Variants in TCF12 observed in about 807,000 individuals in gnomAD.
TCF12 encodes the protein DNA-binding protein HTF4.
Under a neutral mutation model 86.0 loss-of-function variants are expected in TCF12, and 45 were observed. The observed-to-expected ratio is 0.52, with a 90% CI of 0.41 to 0.67. The LOEUF is 0.67. Ranked by LOEUF, TCF12 falls within the 30% of genes least tolerant of loss-of-function variation. The pLI is 0.00. For missense variants in TCF12, 881 were observed against 859.9 expected, an observed-to-expected ratio of 1.02 and a Z score of -0.31; for synonymous variants, 330 against 299.6, an observed-to-expected ratio of 1.10 and a Z score of -1.05.
chr15:56,998,301 AC>A (rs1269618875), intron 3 of TCF12, among the ~76,000 whole-genome samples: 1 of 152,068 alleles, frequency 6.6e-6, no homozygotes, highest in African/African-American at 2.4e-5. Flanking sequence ...TACTAAAAAT[AC>A]AAAAATTAGT....
At chr15:57,083,249 CTT>C in intron 4 of TCF12, among the ~76,000 whole-genome samples, 1 of 152,132 alleles carries the variant, frequency 6.6e-6, no homozygotes, top group South Asian at 2.1e-4. Flanking sequence ...GGGCACATGA[CTT>C]TTTATTATGT....
chr15:57,251,060 A>T, intron 13 of TCF12: 1 of 270,790 alleles, frequency 3.7e-6, no homozygotes, highest in Non-Finnish European at 7.0e-6. Flanking sequence ...GCATTTTCTC[A>T]AGATACATAG....
At chr15:57,160,736 A>G (rs1328550156) in intron 5 of TCF12, among the ~76,000 whole-genome samples, 2 of 152,052 alleles carry the variant, frequency 1.3e-5, no homozygotes, top group Non-Finnish European at 2.9e-5. Context: ...TCTGTCTCCT[A>G]GGCTGAAATG....
At position 57,027,128 on chromosome 15, in the gene TCF12, T is replaced by C. The variant is rs2065870223; in HGVS notation, c.149-36622T>C. On this transcript the variant is annotated intron_variant, in intron 3 of 20. Coordinates refer to ENST00000333725, the MANE Select transcript of TCF12 (RefSeq NM_207037.2). ...AAAACATACACATTTTAATGTATGA[T>C]AAGATTAGTTTTGAGATCTGTTTTG... Among the ~76,000 whole-genome samples the C allele has an allele frequency of 2.0e-5, 3 of 152,302 alleles. No homozygotes were observed. In the South Asian group the frequency reaches 6.2e-4, roughly 32 times the overall value.
chr15:57,048,876 T>C (rs2067417776), intron 3 of TCF12, among the ~76,000 whole-genome samples: 1 of 152,212 alleles, frequency 6.6e-6, no homozygotes, highest in African/African-American at 2.4e-5. Context: ...AATATCAAGA[T>C]GTTTATATCA....
At chr15:57,076,247 C>T (rs2070025649) in intron 4 of TCF12, among the ~76,000 whole-genome samples, 1 of 151,916 alleles carries the variant, frequency 6.6e-6, no homozygotes, top group South Asian at 2.1e-4. Flanking sequence ...AAGCAGTGTA[C>T]GAATACAGAG....
At chr15:57,250,600 G>A (rs1309264088) in intron 13 of TCF12, among the ~76,000 whole-genome samples, 1 of 152,068 alleles carries the variant, frequency 6.6e-6, no homozygotes, top group Non-Finnish European at 1.5e-5. Flanking sequence ...GTGGTGGTGT[G>A]TGCCTGTAAT....
At chr15:57,241,052 T>C (rs1380823264) in intron 12 of TCF12, among the ~76,000 whole-genome samples, 1 of 151,880 alleles carries the variant, frequency 6.6e-6, no homozygotes, top group Admixed American at 6.6e-5. Flanking sequence ...TTCCCATGTG[T>C]CCAATGAATG....
chr15:57,126,692 T>G (rs2051677703), intron 5 of TCF12, among the ~76,000 whole-genome samples: 1 of 152,218 alleles, frequency 6.6e-6, no homozygotes, highest in African/African-American at 2.4e-5. Flanking sequence ...ACTACCAATC[T>G]TGCTTTATTA....
chr15:57,172,964 C>G (rs1180096938), intron 6 of TCF12, among the ~76,000 whole-genome samples: 1 of 150,276 alleles, frequency 6.7e-6, no homozygotes, highest in East Asian at 1.9e-4. Flanking sequence ...AAAAAGAAAA[C>G]TAGTCAGGTG....
intron 3 of TCF12, among the ~76,000 whole-genome samples, chr15:56,958,611 G>T (rs1595856894): frequency 6.6e-6 from 1 of 151,872 alleles, no homozygotes; most frequent in African/African-American, 2.4e-5. Flanking sequence ...AGACAGTTCT[G>T]TTGGATTGTG....
chr15:57,158,372 T>A (rs2054271440), intron 5 of TCF12, among the ~76,000 whole-genome samples: 1 of 151,538 alleles, frequency 6.6e-6, no homozygotes, highest in African/African-American at 2.4e-5. Flanking sequence ...TAGAGTTGGG[T>A]TTTTGCCATG....
chr15:57,185,908 G>T (rs2056639802), intron 6 of TCF12, among the ~76,000 whole-genome samples: 1 of 151,688 alleles, frequency 6.6e-6, no homozygotes, highest in Non-Finnish European at 1.5e-5. Context: ...TAAACAAAAA[G>T]ATCAACAGAA....
intron 3 of TCF12, among the ~76,000 whole-genome samples, chr15:56,934,168 C>A (rs2060368178): frequency 6.6e-6 from 1 of 152,094 alleles, no homozygotes; most frequent in East Asian, 1.9e-4. Flanking sequence ...CCTTTATTCT[C>A]AGCTCAGTTT....
In TCF12 at chr15:57,034,935, T is replaced by A. The variant is rs539947269; in HGVS notation, c.149-28815T>A. On this transcript the variant is annotated intron_variant, in intron 3 of 20. Transcript: ENST00000333725. ...GTTTGCTGTGATTCTCCAATTTTTT[T>A]AGGAACATATAATTTCCCATTTTCT... 9.2e-5 allele frequency among the ~76,000 whole-genome samples: 14 copies of A among 152,318 alleles called. No homozygotes were observed. The South Asian group carries it at 2.7e-3, about 29-fold the overall frequency.
chr15:57,157,037 T>C (rs1055709171), intron 5 of TCF12, among the ~76,000 whole-genome samples: 5 of 152,208 alleles, frequency 3.3e-5, no homozygotes, highest in Non-Finnish European at 7.3e-5. Context: ...TTTGATAATT[T>C]GTTCCCTCTA....
rs1479641649 is a variant in TCF12 at position 57,287,796 on chromosome 15, TG to T, written c.*1653del. On this transcript the variant is annotated 3_prime_UTR_variant, in exon 21 of 21. Coordinates refer to ENST00000333725, the MANE Select transcript of TCF12 (RefSeq NM_207037.2). Reference sequence around the variant, plus strand: ...ACAAGTCAGTCATTTGTGAACTTAGTGGACTTTTTGGTTACTTTAATTTGCA... The same window carrying T: ...ACAAGTCAGTCATTTGTGAACTTAGTGACTTTTTGGTTACTTTAATTTGCA... The T allele has an allele frequency of 6.6e-6, 1 of 152,644 alleles. No individual in the cohort carries two copies. Among genetic ancestry groups the T allele is most frequent in the African/African-American group, 2.4e-5 (1 of 41,472 alleles). 9.5% of individuals were successfully genotyped at this position (152,644 alleles called of 1,614,324 possible).
intron 3 of TCF12, among the ~76,000 whole-genome samples, chr15:56,940,484 C>T (rs1007667023): frequency 2.0e-5 from 2 of 100,304 alleles, no homozygotes; most frequent in African/African-American, 7.8e-5. Flanking sequence ...TTCTTCTCCT[C>T]CTCCTCCTCC....
chr15:57,150,049 T>C (rs1480965319), intron 5 of TCF12, among the ~76,000 whole-genome samples: 8 of 152,178 alleles, frequency 5.3e-5, no homozygotes, highest in East Asian at 3.9e-4. Flanking sequence ...TTACCCCCAC[T>C]CTCTCACTGC....
Sources: allele counts gnomAD v4.1 joint callset (sites outside exome capture counted in the v4.1 genomes callset), GRCh38; gene constraint gnomAD v4.1.1; transcripts MANE v1.5; gene names NCBI Gene and HGNC (gene_info 2026-07-23, HGNC 2026-07-21).